BTBD7: variants seen among roughly 807,000 people sequenced by gnomAD.
BTBD7 encodes BTB domain containing 7.
Under a neutral mutation model 99.9 loss-of-function variants are expected in BTBD7, and 38 were observed. That is an observed-to-expected ratio of 0.38 (90% CI 0.29 to 0.50). The LOEUF (loss-of-function observed/expected upper bound fraction) is 0.50, where lower values mean the gene tolerates loss of function less well. BTBD7 is among the 20% of genes least tolerant of loss of function. BTBD7 has a pLI of 0.93. For missense variants in BTBD7, 1,170 were observed against 1,394.6 expected, an observed-to-expected ratio of 0.84 and a Z score of 2.57; for synonymous variants, 520 against 511.4, an observed-to-expected ratio of 1.02 and a Z score of -0.23.
chr14:93,330,545 C>T (rs74578273), intron 1 of BTBD7, among the ~76,000 whole-genome samples: 11,965 of 152,196 alleles, frequency 0.079, 1,004 homozygotes, highest in African/African-American at 0.21. Flanking sequence ...AGATTGTCTT[C>T]GAGACTCATG....
intron 3 of BTBD7, among the ~76,000 whole-genome samples, chr14:93,271,758 A>G (rs1021542062): frequency 1.3e-5 from 2 of 152,170 alleles, no homozygotes; most frequent in African/African-American, 4.8e-5. Flanking sequence ...TAATCCCAGC[A>G]CTTTGGGAGG....
chr14:93,294,109 T>G lies in BTBD7; in HGVS notation c.911A>C (p.Asp304Ala), dbSNP rs2052892647. The change falls in exon 3 of 11, where the codon GAC becomes GCC. Residue 304 changes from aspartate (D) to alanine (A), a missense_variant. Transcript: ENST00000334746. Reference protein sequence around the residue: ...RRIRTGEEITDRTLRTPTRII... With the variant: ...RRIRTGEEITARTLRTPTRII... ...TCTTGTGGGAGTCCTCAAAGTTCGG[T>G]CTGTGATTTCTTCACCAGTTCGTAT... 1 of 1,614,014 alleles carries G rather than the reference T, an allele frequency of 6.2e-7. No homozygotes were observed. Among genetic ancestry groups the G allele is most frequent in the African/African-American group, 1.3e-5 (1 of 74,934 alleles).
Position 93,249,266 on chromosome 14 carries a change from C to CAAAAAAAAA in BTBD7, c.1943-621_1943-613dup, listed in dbSNP as rs56893984. The stretch of plus-strand genomic sequence containing the variant: ...GAAGAATGAAAGGAAACCAGATAGG[C>CAAAAAAAAA]AAAAAAAAAAAAAAAAAAAAAAAAA... On this transcript the variant is annotated intron_variant, in intron 8 of 10. Coordinates refer to ENST00000334746, the MANE Select transcript of BTBD7 (RefSeq NM_001002860.4). 3.8e-3 allele frequency among the ~76,000 whole-genome samples: 99 copies of CAAAAAAAAA among 25,958 alleles called. 2 individuals carry two copies. Among genetic ancestry groups the CAAAAAAAAA allele is most frequent in the Non-Finnish European group, 5.5e-3 (68 of 12,258 alleles). The allele number at this position is 25,958 out of a possible 152,430, so 17.0% of individuals were successfully genotyped here. A position where few individuals can be genotyped will look rare whatever the true frequency, so the allele number is the denominator to read the frequency against.
chr14:93,322,804 CTT>C (rs1302852048), intron 1 of BTBD7, among the ~76,000 whole-genome samples: 15 of 152,268 alleles, frequency 9.9e-5, no homozygotes, highest in Middle Eastern at 3.4e-3. Context: ...CTCTATTCCT[CTT>C]GTCTTCATTT....
At chr14:93,256,899 TGAATAAGGG>T in intron 6 of BTBD7, 1 of 275,602 alleles carries the variant, frequency 3.6e-6, no homozygotes, top group African/African-American at 2.4e-5. Flanking sequence ...TTTCCCTTTT[TGAATAAGGG>T]TCTACTTGAT....
At chr14:93,244,244 G>A (rs1473533779) in intron 10 of BTBD7, 1 of 305,614 alleles carries the variant, frequency 3.3e-6, no homozygotes, top group Non-Finnish European at 6.5e-6. Context: ...AGATCTAAGA[G>A]GATGCTGGCT....
chr14:93,314,213 C>G (rs1367007780), intron 1 of BTBD7, among the ~76,000 whole-genome samples: 6 of 152,020 alleles, frequency 3.9e-5, no homozygotes, highest in African/African-American at 1.4e-4. Flanking sequence ...CCAGAGTAGT[C>G]AGTAGGGAAG....
At chr14:93,275,606 G>A (rs545700970) in intron 3 of BTBD7, among the ~76,000 whole-genome samples, 2 of 152,270 alleles carry the variant, frequency 1.3e-5, no homozygotes, top group East Asian at 3.9e-4. Flanking sequence ...GAACATCAGA[G>A]TGTACGTACA....
rs1035667245 is a variant in BTBD7, at chr14:93,330,446, G to C, written c.-107+2374C>G. Among the ~76,000 whole-genome samples, 38 of 152,012 alleles carry C rather than the reference G, an allele frequency of 2.5e-4. 1 individual carries two copies. The highest frequency in any genetic ancestry group is 4.4e-5 in the Non-Finnish European group (3 of 68,016). On this transcript the variant is annotated intron_variant, in intron 1 of 10. Transcript: ENST00000334746. ...TTTCATAGGCCAGCTCAAATCCGAA[G>C]TTTCCCAAGTTCTTTGGACTCTTGG...
chr14:93,278,794 T>G (rs1168887403), intron 3 of BTBD7, among the ~76,000 whole-genome samples: 1 of 152,204 alleles, frequency 6.6e-6, no homozygotes, highest in Non-Finnish European at 1.5e-5. Flanking sequence ...TTCAAGTTTC[T>G]GTCCCTTTTA....
At chr14:93,252,690 T>C (rs750549816) in intron 7 of BTBD7, among the ~76,000 whole-genome samples, 1 of 152,130 alleles carries the variant, frequency 6.6e-6, no homozygotes, top group Non-Finnish European at 1.5e-5. Flanking sequence ...ATGAGAAACA[T>C]TTTGAGGCAA....
At chr14:93,316,930 A>T (rs2053213923) in intron 1 of BTBD7, among the ~76,000 whole-genome samples, 1 of 152,250 alleles carries the variant, frequency 6.6e-6, no homozygotes, top group Non-Finnish European at 1.5e-5. Flanking sequence ...GAGGCAGGAC[A>T]TGTAGGCAGT....
intron 1 of BTBD7, among the ~76,000 whole-genome samples, chr14:93,321,865 G>A (rs2053274312): frequency 6.6e-6 from 1 of 152,104 alleles, no homozygotes; most frequent in Non-Finnish European, 1.5e-5. Context: ...ACAATAGAAA[G>A]TGTGAGCTTT....
chr14:93,312,358 G>T, intron 1 of BTBD7, among the ~76,000 whole-genome samples: 1 of 152,174 alleles, frequency 6.6e-6, no homozygotes, highest in East Asian at 1.9e-4. Flanking sequence ...ACCAGTTAAA[G>T]AGTGTTAAGA....
intron 1 of BTBD7, among the ~76,000 whole-genome samples, chr14:93,302,160 T>C (rs1184667383): frequency 6.6e-6 from 1 of 152,206 alleles, no homozygotes; most frequent in African/African-American, 2.4e-5. Flanking sequence ...CTCAACAACC[T>C]TGGTTCGATT....
chr14:93,296,876 A>G (rs77758516), intron 1 of BTBD7, among the ~76,000 whole-genome samples: 1,936 of 152,338 alleles, frequency 0.013, 45 homozygotes, highest in African/African-American at 0.044. Flanking sequence ...ATAAAAGGTA[A>G]TTCTAACAAT....
intron 3 of BTBD7, among the ~76,000 whole-genome samples, chr14:93,270,938 C>G (rs2139720752): frequency 6.6e-6 from 1 of 152,246 alleles, no homozygotes; most frequent in African/African-American, 2.4e-5. Flanking sequence ...TTCTCTTTTA[C>G]TAGGATATTT....
chr14:93,246,179 G>C lies in BTBD7; in HGVS notation c.2229C>G (p.Thr743=). The C allele has an allele frequency of 1.2e-6, 2 of 1,613,638 alleles. No homozygotes were observed. The highest frequency in any genetic ancestry group is 8.5e-7 in the Non-Finnish European group (1 of 1,179,806). ...CAAAAGAGTCCAGATCTGTAAACAT[G>C]GTTTCTGCAGGAGGTGTACTGTTTA... ...CRVNSTPPAE[T]MFTDLDSFVA... Residue 743 remains threonine (T), a synonymous_variant, in exon 10 of 11, where the codon ACC becomes ACG. Coordinates refer to ENST00000334746, the MANE Select transcript of BTBD7 (RefSeq NM_001002860.4).
chr14:93,242,989 T>C lies in BTBD7; in HGVS notation c.2683A>G (p.Thr895Ala). 6.2e-7 allele frequency: 1 copy of C among 1,614,112 alleles called. No homozygotes were observed. Among genetic ancestry groups the C allele is most frequent in the Non-Finnish European group, 8.5e-7 (1 of 1,180,018 alleles). ...DRRLPELAVDTELSQSVSEAG... is the reference protein window; with the variant it reads ...DRRLPELAVDAELSQSVSEAG... Reference sequence around the variant, plus strand: ...TCAGAAACTGACTGGCTTAATTCTGTGTCTACAGCAAGCTCTGGAAGCCTC... The same window carrying C: ...TCAGAAACTGACTGGCTTAATTCTGCGTCTACAGCAAGCTCTGGAAGCCTC... Residue 895 changes from threonine to alanine, a missense_variant, in exon 11 of 11, where the codon ACA becomes GCA. Transcript: ENST00000334746.
Sources: allele counts gnomAD v4.1 joint callset (sites outside exome capture counted in the v4.1 genomes callset), GRCh38; gene constraint gnomAD v4.1.1; transcripts MANE v1.5; gene names NCBI Gene and HGNC (gene_info 2026-07-23, HGNC 2026-07-21).